The following ATP10B variants were observed in gnomAD, a reference collection of about 807,000 sequenced individuals.
The protein encoded by ATP10B is ATPase phospholipid transporting 10B (putative).
In ATP10B, 122 loss-of-function variants were observed where a neutral mutation model predicts 141.2. The observed-to-expected ratio is 0.86, with a 90% CI of 0.75 to 1.00. The LOEUF (loss-of-function observed/expected upper bound fraction) is 1.00, where lower values mean the gene tolerates loss of function less well. Among genes scored for constraint, ATP10B ranks in the 50% least tolerant of loss-of-function variants. The pLI is 0.00. For synonymous variants in ATP10B, 685 were observed against 692.0 expected (o/e 0.99, Z 0.16); for missense variants, 1,876 against 1,825.3 (o/e 1.03, Z -0.51).
chr5:160,737,134 C>A (rs1363712610), intron 2 of ATP10B, among the ~76,000 whole-genome samples: 1 of 152,062 alleles, frequency 6.6e-6, no homozygotes, highest in Non-Finnish European at 1.5e-5. Flanking sequence ...TACATCATAC[C>A]AACAGAATGA....
intron 2 of ATP10B, among the ~76,000 whole-genome samples, chr5:160,777,175 G>T (rs1400013379): frequency 6.6e-6 from 1 of 152,230 alleles, no homozygotes; most frequent in African/African-American, 2.4e-5. Flanking sequence ...GCAATGAAGG[G>T]TCTCTGATGA....
intron 9 of ATP10B, among the ~76,000 whole-genome samples, chr5:160,641,318 G>A (rs1759845089): frequency 6.6e-6 from 1 of 152,172 alleles, no homozygotes; most frequent in African/African-American, 2.4e-5. Flanking sequence ...TGTTTCTTTG[G>A]TCATGCCTAA....
chr5:160,807,613 A>C (rs971547814), intron 1 of ATP10B, among the ~76,000 whole-genome samples: 3 of 152,242 alleles, frequency 2.0e-5, no homozygotes, highest in Non-Finnish European at 4.4e-5. Flanking sequence ...ATAGAATGGA[A>C]AATTGAGAAA....
chr5:160,900,551 T>C, the ATP10B span, among the ~76,000 whole-genome samples: 1 of 152,232 alleles, frequency 6.6e-6, no homozygotes, highest in Non-Finnish European at 1.5e-5. Context: ...ATTGTCCTCA[T>C]TCTTTTCCCT....
rs192315324 is a variant in ATP10B at position 160,777,676 on chromosome 5, T to A, written c.-331+7883A>T. ...CCTGGCTCCAGCAGTGACTATGTGGTTTTTATATAATCAGCAAAAAGCTAC... is the reference window on the plus strand; with the variant it reads ...CCTGGCTCCAGCAGTGACTATGTGGATTTTATATAATCAGCAAAAAGCTAC... On this transcript the variant is annotated intron_variant, in intron 2 of 25. Coordinates refer to ENST00000327245, the MANE Select transcript of ATP10B (RefSeq NM_025153.3). Among the ~76,000 whole-genome samples, 338 of 152,338 alleles carry A rather than the reference T, an allele frequency of 2.2e-3. 1 individual carries two copies. The highest frequency in any genetic ancestry group is 0.01 in the Middle Eastern group (3 of 294).
At chr5:160,806,695 C>T (rs1772794790) in intron 1 of ATP10B, among the ~76,000 whole-genome samples, 1 of 152,164 alleles carries the variant, frequency 6.6e-6, no homozygotes, top group African/African-American at 2.4e-5. Context: ...ACTCAACAAC[C>T]CTATTTACAC....
At chr5:160,766,016 C>A (rs1225184463) in intron 2 of ATP10B, among the ~76,000 whole-genome samples, 1 of 151,934 alleles carries the variant, frequency 6.6e-6, no homozygotes, top group Non-Finnish European at 1.5e-5. Context: ...TACCTCGTTA[C>A]CCCGGAAAGA....
intron 2 of ATP10B, among the ~76,000 whole-genome samples, chr5:160,775,019 G>A (rs1402796333): frequency 2.6e-5 from 4 of 152,192 alleles, no homozygotes; most frequent in Admixed American, 2.0e-4. Context: ...AGGCTCCTAT[G>A]GAGATTCAGA....
intron 22 of ATP10B, among the ~76,000 whole-genome samples, chr5:160,593,429 A>G (rs1756461492): frequency 6.6e-6 from 1 of 152,214 alleles, no homozygotes; most frequent in Non-Finnish European, 1.5e-5. Context: ...CATCACCATC[A>G]TCAAAGACCA....
intron 21 of ATP10B, among the ~76,000 whole-genome samples, chr5:160,601,220 A>G (rs73304683): frequency 0.022 from 3,322 of 152,278 alleles, 110 homozygotes; most frequent in African/African-American, 0.073. Context: ...GTTTATCTAC[A>G]TATACATTGA....
intron 7 of ATP10B, among the ~76,000 whole-genome samples, chr5:160,665,150 A>G (rs576981830): frequency 3.9e-5 from 6 of 152,246 alleles, no homozygotes; most frequent in South Asian, 2.1e-4. Flanking sequence ...AAAAGTTCCA[A>G]TGAAAAAAAA....
intron 1 of ATP10B, among the ~76,000 whole-genome samples, chr5:160,832,020 A>G (rs561985717): frequency 1.3e-5 from 2 of 152,262 alleles, no homozygotes; most frequent in African/African-American, 4.8e-5. Flanking sequence ...CACAAAAGCC[A>G]GTTTGCTTCT....
At chr5:160,699,518 C>T (rs537131116) in intron 3 of ATP10B, among the ~76,000 whole-genome samples, 5 of 152,192 alleles carry the variant, frequency 3.3e-5, no homozygotes, top group South Asian at 4.2e-4. Flanking sequence ...TAGTACACCC[C>T]GGAAGAACTG....
the ATP10B span, among the ~76,000 whole-genome samples, chr5:160,907,930 C>T: frequency 6.6e-6 from 1 of 152,214 alleles, no homozygotes; most frequent in Non-Finnish European, 1.5e-5. Context: ...TCCTCCATCT[C>T]TCATACTCTG....
intron 1 of ATP10B, among the ~76,000 whole-genome samples, chr5:160,806,070 C>G (rs1225325702): frequency 2.0e-5 from 3 of 152,144 alleles, no homozygotes; most frequent in African/African-American, 7.2e-5. Context: ...CTTTTGTGTT[C>G]TCTTTTGGTC....
In ATP10B at chr5:160,591,158, C is replaced by A. The variant is rs2127612427; in HGVS notation, c.3565-19G>T. 1.2e-6 allele frequency: 2 copies of A among 1,603,382 alleles called. No individual in the cohort carries two copies. Among genetic ancestry groups the A allele is most frequent in the East Asian group, 4.5e-5 (2 of 44,820 alleles). ...TATAGCACTGCCAGGAGAGAACACA[C>A]CAATAATTATCACCCTTATAGCAAG... On this transcript the variant is annotated intron_variant, in intron 22 of 25. Coordinates refer to ENST00000327245, the MANE Select transcript of ATP10B (RefSeq NM_025153.3).
chr5:160,855,462 T>C (rs1753971821), upstream of ATP10B, among the ~76,000 whole-genome samples: 1 of 151,858 alleles, frequency 6.6e-6, no homozygotes, highest in African/African-American at 2.4e-5. Flanking sequence ...TTTGCTTATG[T>C]TTTAATTAAT....
chr5:160,850,717 C>A (rs549876483), intron 1 of ATP10B, among the ~76,000 whole-genome samples: 1 of 152,102 alleles, frequency 6.6e-6, no homozygotes, highest in African/African-American at 2.4e-5. Context: ...TGGGTTTCAA[C>A]CTTCAGTTTC....
At chr5:160,821,975 C>T (rs1016387232) in intron 1 of ATP10B, among the ~76,000 whole-genome samples, 1 of 152,022 alleles carries the variant, frequency 6.6e-6, no homozygotes, top group Non-Finnish European at 1.5e-5. Context: ...AATAATACCC[C>T]ACAAGGACAG....
Sources: gnomAD v4.1 joint callset for allele counts (sites outside exome capture counted in the v4.1 genomes callset) on GRCh38, gnomAD v4.1.1 for gene constraint, MANE v1.5 for transcripts, NCBI Gene and HGNC (gene_info 2026-07-23, HGNC 2026-07-21) for gene names.